Variants in MPHOSPH6 observed in about 807,000 individuals in gnomAD.
The protein encoded by MPHOSPH6 is M-phase phosphoprotein 6.
MPHOSPH6 carries 25 observed loss-of-function variants against 21.8 expected under a neutral mutation model. The ratio of observed to expected loss-of-function variants is 1.15; its 90% CI spans 0.83 to 1.60. The LOEUF is 1.60. MPHOSPH6 is among the 40% of genes most tolerant of loss of function. The pLI, the probability that MPHOSPH6 is intolerant of heterozygous loss-of-function variation, is 0.00. For missense variants in MPHOSPH6, 269 were observed against 181.8 expected (o/e 1.48, Z -2.76); for synonymous variants, 84 against 56.5 (o/e 1.49, Z -2.18).
chr16:82,169,673 T>A (rs1012737455), intron 1 of MPHOSPH6, among the ~76,000 whole-genome samples: 1 of 152,254 alleles, frequency 6.6e-6, no homozygotes, highest in Non-Finnish European at 1.5e-5. Context: ...CTTGAACTCA[T>A]GTAGCCTAAT....
chr16:82,154,417 C>T (rs1200708578), intron 2 of MPHOSPH6, among the ~76,000 whole-genome samples: 2 of 151,992 alleles, frequency 1.3e-5, no homozygotes, highest in African/African-American at 4.8e-5. Context: ...TACAAATGTA[C>T]AGCACACAAT....
Position 82,164,178 on chromosome 16 carries a change from A to G in MPHOSPH6, c.68T>C (p.Leu23Pro). 1 of 1,609,874 alleles carries G rather than the reference A, an allele frequency of 6.2e-7. No homozygotes were observed. Among genetic ancestry groups the G allele is most frequent in the Non-Finnish European group, 8.5e-7 (1 of 1,179,288 alleles). The change falls in exon 2 of 5, where the codon CTG (leucine) becomes CCG (proline). Residue 23 changes from leucine (L) to proline (P), a missense_variant. Coordinates refer to ENST00000258169, the MANE Select transcript of MPHOSPH6 (RefSeq NM_005792.2). The part of the protein sequence containing the change: ...LLRMKFMQRG[L>P]DSETKKQLEE... ...TAGTTGTTTCTTGGTTTCTGAGTCCAGTCCCCTTTGCATAAACTGTGAAAA... is the reference window on the plus strand; with the variant it reads ...TAGTTGTTTCTTGGTTTCTGAGTCCGGTCCCCTTTGCATAAACTGTGAAAA...
intron 2 of MPHOSPH6, among the ~76,000 whole-genome samples, chr16:82,162,650 T>G (rs542211319): frequency 1.3e-5 from 2 of 152,238 alleles, no homozygotes; most frequent in South Asian, 4.1e-4. Context: ...TGCTAGGAGG[T>G]GCTGCACTGC....
chr16:82,157,327 C>G (rs957226301), intron 2 of MPHOSPH6, among the ~76,000 whole-genome samples: 3 of 152,156 alleles, frequency 2.0e-5, no homozygotes, highest in African/African-American at 4.8e-5. Context: ...GCAACAGAAA[C>G]AAATTACTGA....
chr16:82,151,545 CATAT>C, intron 2 of MPHOSPH6, 31 bp from the exon 3 acceptor site: 1 of 1,555,312 alleles, frequency 6.4e-7, no homozygotes, highest in Non-Finnish European at 8.7e-7. Context: ...AGCATTTCTC[CATAT>C]ATAAAGCACA....
intron 3 of MPHOSPH6, among the ~76,000 whole-genome samples, chr16:82,150,083 CTT>C (rs71772214): frequency 0.14 from 21,518 of 151,458 alleles, 2,181 homozygotes; most frequent in Admixed American, 0.34. Flanking sequence ...AGAAATCAGT[CTT>C]AACTAGTTTT....
chr16:82,154,646 T>G (rs932306781), intron 2 of MPHOSPH6, among the ~76,000 whole-genome samples: 3 of 150,978 alleles, frequency 2.0e-5, no homozygotes, highest in Non-Finnish European at 4.4e-5. Flanking sequence ...CTTATATAAT[T>G]AAGGGAAAAA....
At chr16:82,150,039 T>C (rs1004026903) in intron 3 of MPHOSPH6, among the ~76,000 whole-genome samples, 3 of 151,850 alleles carry the variant, frequency 2.0e-5, no homozygotes, top group African/African-American at 7.3e-5. Context: ...GTGTAATCTC[T>C]TCTTTTTAGC....
chr16:82,153,072 A>T (rs1906318294), intron 2 of MPHOSPH6, among the ~76,000 whole-genome samples: 1 of 152,172 alleles, frequency 6.6e-6, no homozygotes, highest in African/African-American at 2.4e-5. Flanking sequence ...AGTTGCAATG[A>T]GTCAAGATTG....
intron 3 of MPHOSPH6, 63 bp downstream of exon 3, chr16:82,151,361 A>C: frequency 1.3e-6 from 2 of 1,590,048 alleles, no homozygotes; most frequent in Non-Finnish European, 1.7e-6. Flanking sequence ...ACCTAAGCCC[A>C]ATTATTAGCA....
intron 2 of MPHOSPH6, among the ~76,000 whole-genome samples, chr16:82,157,334 C>A (rs1423358241): frequency 6.6e-6 from 1 of 152,196 alleles, no homozygotes; most frequent in Non-Finnish European, 1.5e-5. Context: ...AAACAAATTA[C>A]TGATGTTCCA....
intron 2 of MPHOSPH6, chr16:82,162,294 C>T (rs1906632072): frequency 6.6e-6 from 1 of 152,240 alleles, no homozygotes; most frequent in Non-Finnish European, 1.5e-5. Context: ...CTTAATCAAC[C>T]AATCCATTCC....
chr16:82,164,309 C>G lies in MPHOSPH6; in HGVS notation c.52-115G>C, dbSNP rs74326836. 6.3e-4 allele frequency: 437 copies of G among 694,878 alleles called. No individual in the cohort carries two copies. The African/African-American group carries it at 7.1e-3, about 11-fold the overall frequency. The allele number at this position is 694,878 out of a possible 1,614,324, so 43.0% of individuals were successfully genotyped here. On this transcript the variant is annotated intron_variant, in intron 1 of 4. Transcript: ENST00000258169. ...CTTCATTTATCTATGGAACCCATCT[C>G]AAGATTGAGGGTTGGGGCAAGTGAT...
intron 2 of MPHOSPH6, among the ~76,000 whole-genome samples, chr16:82,153,310 T>C (rs11642247): frequency 0.14 from 21,431 of 152,172 alleles, 2,220 homozygotes; most frequent in Admixed American, 0.34. Context: ...TGCACCATAA[T>C]TATATAAAAC....
intron 2 of MPHOSPH6, chr16:82,162,284 C>T (rs977017645): frequency 3.3e-5 from 5 of 152,224 alleles, no homozygotes; most frequent in African/African-American, 1.2e-4. Flanking sequence ...AGCCCATGTG[C>T]TTAATCAACC....
chr16:82,149,232 TG>T (rs1906184326), intron 4 of MPHOSPH6, 76 bp downstream of exon 4: 1 of 1,429,168 alleles, frequency 7.0e-7, no homozygotes, highest in Non-Finnish European at 9.8e-7. Flanking sequence ...CCGTGCACTG[TG>T]GGGTAAGAGG....
chr16:82,154,184 A>T (rs1906356227), intron 2 of MPHOSPH6, among the ~76,000 whole-genome samples: 1 of 152,228 alleles, frequency 6.6e-6, no homozygotes, highest in Non-Finnish European at 1.5e-5. Context: ...TGCACAGAGC[A>T]AGGAAATGTT....
intron 1 of MPHOSPH6, among the ~76,000 whole-genome samples, chr16:82,169,195 T>C (rs920319858): frequency 2.6e-5 from 4 of 152,238 alleles, no homozygotes; most frequent in Non-Finnish European, 5.9e-5. Flanking sequence ...ATATCTTTAA[T>C]CTGGCCTCAA....
At chr16:82,164,226 CT>C in intron 1 of MPHOSPH6, 32 bp from the exon 2 acceptor site, 1 of 1,464,062 alleles carries the variant, frequency 6.8e-7, no homozygotes, top group East Asian at 2.3e-5. Flanking sequence ...ATGTCAGAAA[CT>C]TTTCCCATTT....
Sources: gnomAD v4.1 joint callset for allele counts (sites outside exome capture counted in the v4.1 genomes callset) on GRCh38, gnomAD v4.1.1 for gene constraint, MANE v1.5 for transcripts, NCBI Gene and HGNC (gene_info 2026-07-23, HGNC 2026-07-21) for gene names.